Variants in DCC observed in about 807,000 individuals in gnomAD.
The protein encoded by DCC is DCC netrin 1 receptor.
A neutral mutation model predicts 172.5 loss-of-function variants in DCC; 58 were observed. The observed-to-expected ratio is 0.34, with a 90% CI of 0.27 to 0.42. The LOEUF is 0.42. Among genes scored for constraint, DCC ranks in the 10% least tolerant of loss-of-function variants. DCC has a pLI of 1.00. For synonymous variants in DCC, 709 were observed against 644.5 expected, an observed-to-expected ratio of 1.10 and a Z score of -1.52; for missense variants, 1,740 against 1,791.0, an observed-to-expected ratio of 0.97 and a Z score of 0.51.
At chr18:53,041,579 G>A (rs1440316686) in intron 5 of DCC, among the ~76,000 whole-genome samples, 1 of 151,982 alleles carries the variant, frequency 6.6e-6, no homozygotes, top group Admixed American at 6.6e-5. Context: ...GATGGGAATA[G>A]TATTAAATCT....
intron 15 of DCC, among the ~76,000 whole-genome samples, chr18:53,346,727 AG>A (rs1307560062): frequency 6.6e-6 from 1 of 152,178 alleles, no homozygotes; most frequent in African/African-American, 2.4e-5. Context: ...AAGTTACTTT[AG>A]CATGTTTCTC....
chr18:52,497,324 C>T lies in DCC; in HGVS notation c.91+156446C>T, dbSNP rs56393360. The stretch of plus-strand genomic sequence containing the variant: ...ATATATATATATATATACACACACA[C>T]ATATATATACACACGTATGCATATA... On this transcript the variant is annotated intron_variant, in intron 1 of 28. Coordinates refer to ENST00000442544, the MANE Select transcript of DCC (RefSeq NM_005215.4). Among the ~76,000 whole-genome samples, 18 of 28,412 alleles carry T rather than the reference C, an allele frequency of 6.3e-4. 1 individual carries two copies. The highest frequency in any genetic ancestry group is 1.1e-3 in the South Asian group (1 of 870). 18.6% of individuals were successfully genotyped at this position (28,412 alleles called of 152,430 possible). A position where few individuals can be genotyped will look rare whatever the true frequency, so the allele number is the denominator to read the frequency against.
intron 2 of DCC, among the ~76,000 whole-genome samples, chr18:52,848,164 C>T (rs559071179): frequency 6.7e-6 from 1 of 149,016 alleles, no homozygotes; most frequent in African/African-American, 2.5e-5. Flanking sequence ...CAGCTCACTG[C>T]AACCTCCGCC....
intron 12 of DCC, among the ~76,000 whole-genome samples, chr18:53,296,965 C>G (rs2057074794): frequency 6.6e-6 from 1 of 152,134 alleles, no homozygotes; most frequent in Non-Finnish European, 1.5e-5. Flanking sequence ...GCTAGAGTAA[C>G]TGACTGTGTT....
chr18:52,660,964 T>C (rs1037925079), intron 1 of DCC, among the ~76,000 whole-genome samples: 1 of 152,130 alleles, frequency 6.6e-6, no homozygotes. Context: ...ATGACCTCAA[T>C]ATATAAGTTT....
intron 1 of DCC, among the ~76,000 whole-genome samples, chr18:52,610,547 A>G (rs1327157659): frequency 6.6e-6 from 1 of 151,912 alleles, no homozygotes; most frequent in East Asian, 1.9e-4. Context: ...AAGGATAGAC[A>G]AACTCCTTTC....
chr18:52,783,500 G>GT (rs771252880), intron 2 of DCC, among the ~76,000 whole-genome samples: 131 of 151,728 alleles, frequency 8.6e-4, no homozygotes, highest in Non-Finnish European at 1.6e-3. Flanking sequence ...CTTATAAAAA[G>GT]TAAGTTATGT....
chr18:52,746,137 T>A (rs540769852), intron 1 of DCC, among the ~76,000 whole-genome samples: 1 of 152,308 alleles, frequency 6.6e-6, no homozygotes, highest in Admixed American at 6.5e-5. Context: ...ATAGAATTAT[T>A]TTTATTTCCT....
chr18:53,184,635 A>G (rs2055251145), intron 9 of DCC, among the ~76,000 whole-genome samples: 1 of 152,170 alleles, frequency 6.6e-6, no homozygotes. Context: ...GTCTAAACAT[A>G]GAAAAGGTAA....
At chr18:53,352,490 A>G (rs2057823279) in intron 15 of DCC, among the ~76,000 whole-genome samples, 1 of 152,120 alleles carries the variant, frequency 6.6e-6, no homozygotes, top group African/African-American at 2.4e-5. Flanking sequence ...GTTTACTCTG[A>G]AATCTATTTT....
At chr18:52,434,327 C>A (rs1987719737) in intron 1 of DCC, among the ~76,000 whole-genome samples, 1 of 152,030 alleles carries the variant, frequency 6.6e-6, no homozygotes, top group Non-Finnish European at 1.5e-5. Context: ...GGATAGAGAC[C>A]AAACATGCTA....
At chr18:52,864,655 G>A (rs886828244) in intron 2 of DCC, among the ~76,000 whole-genome samples, 31 of 151,986 alleles carry the variant, frequency 2.0e-4, no homozygotes, top group African/African-American at 6.8e-4. Context: ...ACTACATTAG[G>A]TATTTCTCCT....
At chr18:53,359,311 T>C (rs142521718) in intron 15 of DCC, among the ~76,000 whole-genome samples, 122 of 152,294 alleles carry the variant, frequency 8.0e-4, no homozygotes, top group African/African-American at 2.8e-3. Context: ...GAATCACAAA[T>C]ACTGGGGACT....
At chr18:52,512,566 T>A (rs1173336645) in intron 1 of DCC, among the ~76,000 whole-genome samples, 1 of 152,214 alleles carries the variant, frequency 6.6e-6, no homozygotes, top group East Asian at 1.9e-4. Context: ...CATGGTGACA[T>A]GCATTCAAAA....
chr18:53,491,458 C>T (rs1181707527), intron 26 of DCC, among the ~76,000 whole-genome samples: 1 of 152,040 alleles, frequency 6.6e-6, no homozygotes, highest in Non-Finnish European at 1.5e-5. Context: ...GTTTGCTGCA[C>T]CCACCAACCC....
At chr18:53,221,193 G>A (rs2055927456) in intron 12 of DCC, among the ~76,000 whole-genome samples, 2 of 151,690 alleles carry the variant, frequency 1.3e-5, no homozygotes, top group African/African-American at 2.4e-5. Flanking sequence ...ACAAATTTAA[G>A]CATTTGTAAA....
intron 5 of DCC, among the ~76,000 whole-genome samples, chr18:52,949,159 A>G (rs1162517054): frequency 6.6e-6 from 1 of 152,226 alleles, no homozygotes; most frequent in Non-Finnish European, 1.5e-5. Flanking sequence ...GACTTCAACC[A>G]GAAACAAGGA....
intron 27 of DCC, among the ~76,000 whole-genome samples, chr18:53,522,597 G>T (rs141497558): frequency 4.5e-4 from 69 of 152,106 alleles, no homozygotes; most frequent in African/African-American, 1.6e-3. Context: ...CAGAACAGAG[G>T]TCTCAGAAAC....
intron 7 of DCC, among the ~76,000 whole-genome samples, chr18:53,075,541 C>T (rs1240864325): frequency 7.2e-6 from 1 of 139,686 alleles, no homozygotes; most frequent in African/African-American, 2.8e-5. Context: ...GAGTGTTATC[C>T]CATTTTTTTT....
Sources: allele counts gnomAD v4.1 joint callset (sites outside exome capture counted in the v4.1 genomes callset), GRCh38; gene constraint gnomAD v4.1.1; transcripts MANE v1.5; gene names NCBI Gene and HGNC (gene_info 2026-07-23, HGNC 2026-07-21).